ATP6V0D2: variants seen among roughly 807,000 people sequenced by gnomAD.
The protein encoded by ATP6V0D2 is ATPase H+ transporting V0 subunit d2.
ATP6V0D2 carries 40 observed loss-of-function variants against 40.0 expected under a neutral mutation model. The observed-to-expected ratio is 1.00, with a 90% CI of 0.78 to 1.30. ATP6V0D2 has a LOEUF of 1.30. Among genes scored for constraint, ATP6V0D2 ranks in the 50% most tolerant of loss-of-function variants. The probability of loss-of-function intolerance (pLI) is 0.00; values close to 1 mark genes in which losing one functional copy is unlikely to be tolerated. For missense variants in ATP6V0D2, 470 were observed against 423.1 expected, an observed-to-expected ratio of 1.11 and a Z score of -0.97; for synonymous variants, 179 against 156.3, an observed-to-expected ratio of 1.15 and a Z score of -1.08.
intron 2 of ATP6V0D2, among the ~76,000 whole-genome samples, chr8:86,123,938 C>T (rs1023827268): frequency 6.6e-6 from 1 of 152,148 alleles, no homozygotes; most frequent in Non-Finnish European, 1.5e-5. Flanking sequence ...TCCATCTGGT[C>T]ATGAACATAG....
At chr8:86,140,951 T>C (rs1563564641) in intron 3 of ATP6V0D2, among the ~76,000 whole-genome samples, 1 of 152,096 alleles carries the variant, frequency 6.6e-6, no homozygotes, top group Non-Finnish European at 1.5e-5. Context: ...GTCCCATCTG[T>C]GGGTGATGGG....
Position 86,105,616 on chromosome 8 carries a change from C to CT in ATP6V0D2, c.130+6512dup, listed in dbSNP as rs1401385712. ...TGCCTAGCCTGTAAACTTCTTTTTT[C>CT]TTTTCTTTTTTTTTTTTTTTGAGAT... is the stretch of plus-strand genomic sequence containing the variant. On this transcript the variant is annotated intron_variant, in intron 1 of 7. Coordinates refer to ENST00000285393, the MANE Select transcript of ATP6V0D2 (RefSeq NM_152565.1). Among the ~76,000 whole-genome samples the CT allele has an allele frequency of 1.1e-3, 140 of 131,206 alleles. 6 individuals carry two copies. Among genetic ancestry groups the CT allele is most frequent in the African/African-American group, 3.1e-3 (111 of 35,592 alleles). 86.1% of individuals were successfully genotyped at this position (131,206 alleles called of 152,430 possible).
chr8:86,115,970 T>C (rs1051166311), intron 2 of ATP6V0D2, among the ~76,000 whole-genome samples: 6 of 152,190 alleles, frequency 3.9e-5, no homozygotes, highest in Non-Finnish European at 8.8e-5. Context: ...TTTCCTATTA[T>C]TGACAGTGGG....
chr8:86,151,593 T>C (rs1199299536), intron 7 of ATP6V0D2, 53 bp downstream of exon 7: 15 of 1,433,276 alleles, frequency 1.0e-5, no homozygotes, highest in African/African-American at 1.4e-5. Flanking sequence ...CTGTGGATTT[T>C]ATATATTTTC....
intron 3 of ATP6V0D2, 123 bp downstream of exon 3, chr8:86,139,758 C>CA: frequency 9.4e-7 from 1 of 1,059,242 alleles, no homozygotes; most frequent in South Asian, 1.7e-5. Flanking sequence ...AATTTTTTTC[C>CA]ATGAATACAG....
chr8:86,099,572 C>A (rs1818367129), intron 1 of ATP6V0D2, among the ~76,000 whole-genome samples: 1 of 152,198 alleles, frequency 6.6e-6, no homozygotes, highest in Non-Finnish European at 1.5e-5. Context: ...TGGCTCACCA[C>A]AACCTCCGCC....
At chr8:86,145,321 G>A (rs866185943) in intron 5 of ATP6V0D2, among the ~76,000 whole-genome samples, 45 of 37,982 alleles carry the variant, frequency 1.2e-3, no homozygotes, top group African/African-American at 2.3e-3. Context: ...AAAGAAAGAA[G>A]GAAAGAAGGA....
chr8:86,126,250 A>ATG (rs1818742670), intron 2 of ATP6V0D2, among the ~76,000 whole-genome samples: 1 of 135,038 alleles, frequency 7.4e-6, no homozygotes, highest in East Asian at 2.3e-4. Flanking sequence ...ATATATATAT[A>ATG]TATATATATA....
intron 1 of ATP6V0D2, among the ~76,000 whole-genome samples, chr8:86,106,090 T>G (rs528963836): frequency 6.6e-6 from 1 of 152,180 alleles, no homozygotes; most frequent in Non-Finnish European, 1.5e-5. Context: ...TCTAAGCAAG[T>G]GCTTAACCTT....
At chr8:86,133,600 C>A (rs376351025) in intron 2 of ATP6V0D2, among the ~76,000 whole-genome samples, 1 of 152,002 alleles carries the variant, frequency 6.6e-6, no homozygotes, top group African/African-American at 2.4e-5. Context: ...GGATTACAGG[C>A]GTGATTCACC....
At chr8:86,142,256 G>A (rs905782502) in intron 4 of ATP6V0D2, among the ~76,000 whole-genome samples, 4 of 152,172 alleles carry the variant, frequency 2.6e-5, no homozygotes, top group Admixed American at 2.0e-4. Flanking sequence ...GCATCCTTGA[G>A]ATATAACTAA....
At chr8:86,110,373 G>A (rs1367075197) in intron 1 of ATP6V0D2, among the ~76,000 whole-genome samples, 1 of 152,236 alleles carries the variant, frequency 6.6e-6, no homozygotes, top group Non-Finnish European at 1.5e-5. Context: ...GGGATTACAG[G>A]CGTGGGCCAC....
chr8:86,138,214 G>T (rs1364771952), intron 2 of ATP6V0D2, among the ~76,000 whole-genome samples: 1 of 152,114 alleles, frequency 6.6e-6, no homozygotes, highest in African/African-American at 2.4e-5. Flanking sequence ...CTTTTCCCCA[G>T]TTCCCAGCCC....
At chr8:86,139,700 T>G in intron 3 of ATP6V0D2, 65 bp downstream of exon 3, 1 of 1,467,528 alleles carries the variant, frequency 6.8e-7, no homozygotes, top group Admixed American at 2.5e-5. Context: ...GAAAATGTAC[T>G]ATTTTTTTCT....
chr8:86,106,262 A>T (rs1057098322), intron 1 of ATP6V0D2, among the ~76,000 whole-genome samples: 14 of 152,004 alleles, frequency 9.2e-5, no homozygotes, highest in African/African-American at 2.2e-4. Context: ...CCTTTCAAGT[A>T]CCTGGGACCA....
chr8:86,152,732 A>T, intron 7 of ATP6V0D2, 84 bp from the exon 8 acceptor site: 1 of 1,384,790 alleles, frequency 7.2e-7, no homozygotes, highest in East Asian at 2.5e-5. Context: ...GCACTGCACA[A>T]GTTCAAGCCA....
chr8:86,129,588 G>A (rs187145403), intron 2 of ATP6V0D2, among the ~76,000 whole-genome samples: 2 of 152,238 alleles, frequency 1.3e-5, no homozygotes, highest in African/African-American at 4.8e-5. Flanking sequence ...GAGGCCTGCA[G>A]ATCATCTGAG....
chr8:86,119,232 CTTT>C (rs35945978), intron 2 of ATP6V0D2, among the ~76,000 whole-genome samples: 5 of 125,954 alleles, frequency 4.0e-5, no homozygotes, highest in Admixed American at 8.6e-5. Context: ...ATCATAGGAT[CTTT>C]TTTTTTTTTT....
intron 2 of ATP6V0D2, among the ~76,000 whole-genome samples, chr8:86,118,002 TTTTCTTTCTTTC>T (rs71574256): frequency 5.8e-5 from 8 of 136,972 alleles, no homozygotes; most frequent in African/African-American, 1.2e-4. Context: ...TTTCTCTTTG[TTTTCTTTCTTTC>T]TTTCTTTCTT....
Sources: allele counts gnomAD v4.1 joint callset (sites outside exome capture counted in the v4.1 genomes callset), GRCh38; gene constraint gnomAD v4.1.1; transcripts MANE v1.5; gene names NCBI Gene and HGNC (gene_info 2026-07-23, HGNC 2026-07-21).